Variants in THSD4 observed in about 807,000 individuals in gnomAD.
THSD4 encodes thrombospondin type 1 domain containing 4.
THSD4 carries 69 observed loss-of-function variants against 119.0 expected under a neutral mutation model. That is an observed-to-expected ratio of 0.58 (90% CI 0.48 to 0.71). THSD4 has a LOEUF of 0.71. Ranked by LOEUF, THSD4 falls within the 30% of genes least tolerant of loss-of-function variation. The pLI is 0.00. For synonymous variants in THSD4, 524 were observed against 540.4 expected (o/e 0.97, Z 0.42); for missense variants, 1,393 against 1,391.1 (o/e 1.00, Z -0.02).
chr15:71,297,456 C>G (rs1035748981), intron 6 of THSD4, among the ~76,000 whole-genome samples: 3 of 152,080 alleles, frequency 2.0e-5, no homozygotes, highest in African/African-American at 7.3e-5. Context: ...CTGCCCCAGC[C>G]TCCTGAGTAG....
intron 3 of THSD4, among the ~76,000 whole-genome samples, chr15:71,210,892 C>CT (rs1217210725): frequency 7.2e-5 from 11 of 152,058 alleles, no homozygotes; most frequent in Non-Finnish European, 1.5e-4. Flanking sequence ...ATTTAGGTTG[C>CT]TTCCTTTTTT....
intron 4 of THSD4, among the ~76,000 whole-genome samples, chr15:71,223,030 A>G (rs1200255082): frequency 2.6e-5 from 4 of 152,216 alleles, no homozygotes; most frequent in African/African-American, 9.6e-5. Context: ...CTCACACCAC[A>G]TGCTTAGCAC....
At chr15:71,465,269 A>G (rs1416877691) in intron 7 of THSD4, among the ~76,000 whole-genome samples, 1 of 152,222 alleles carries the variant, frequency 6.6e-6, no homozygotes, top group East Asian at 1.9e-4. Context: ...TGACTCAGTC[A>G]TTACATAATA....
intron 1 of THSD4, among the ~76,000 whole-genome samples, chr15:71,140,320 G>T (rs770532749): frequency 6.6e-6 from 1 of 152,194 alleles, no homozygotes; most frequent in Non-Finnish European, 1.5e-5. Flanking sequence ...AGGGCAGCCA[G>T]TGTGTCACAC....
At chr15:71,541,616 T>C (rs563250480) in intron 7 of THSD4, among the ~76,000 whole-genome samples, 4 of 152,252 alleles carry the variant, frequency 2.6e-5, no homozygotes, top group East Asian at 1.9e-4. Flanking sequence ...TATCATTACA[T>C]AGGAAGCAAA....
chr15:71,735,979 T>A (rs1296428870), intron 10 of THSD4, among the ~76,000 whole-genome samples: 2 of 150,992 alleles, frequency 1.3e-5, no homozygotes, highest in African/African-American at 2.4e-5. Context: ...TCTCTTGCTC[T>A]CTGTCTCTGT....
intron 7 of THSD4, among the ~76,000 whole-genome samples, chr15:71,447,107 CCA>C (rs1566986962): frequency 1.0e-4 from 13 of 129,532 alleles, no homozygotes; most frequent in Middle Eastern, 3.7e-3. Context: ...CCTCTTCCCT[CCA>C]TTTTTTTTGT....
intron 6 of THSD4, among the ~76,000 whole-genome samples, chr15:71,305,658 T>A (rs2045013796): frequency 6.6e-6 from 1 of 152,204 alleles, no homozygotes; most frequent in South Asian, 2.1e-4. Flanking sequence ...TAAGATGCAC[T>A]AAGATGTGGT....
intron 7 of THSD4, among the ~76,000 whole-genome samples, chr15:71,614,923 C>G (rs1355664641): frequency 6.6e-6 from 1 of 152,072 alleles, no homozygotes; most frequent in African/African-American, 2.4e-5. Flanking sequence ...CGACTCCTGG[C>G]TAGGACCTCT....
chr15:71,256,095 G>T (rs970025067), intron 5 of THSD4, among the ~76,000 whole-genome samples: 12 of 152,168 alleles, frequency 7.9e-5, no homozygotes, highest in Non-Finnish European at 1.6e-4. Context: ...CATGAAGCCT[G>T]GGGATCTGCA....
chr15:71,208,951 C>T (rs903953149), intron 3 of THSD4, among the ~76,000 whole-genome samples: 2 of 152,070 alleles, frequency 1.3e-5, no homozygotes, highest in South Asian at 2.1e-4. Flanking sequence ...ATACATGGCC[C>T]CCTTAACCCT....
chr15:71,770,336 A>G (rs1051315280), intron 16 of THSD4, among the ~76,000 whole-genome samples: 1 of 119,052 alleles, frequency 8.4e-6, no homozygotes, highest in Non-Finnish European at 1.7e-5. Flanking sequence ...AATAAATATG[A>G]TATGTCCTTT....
intron 7 of THSD4, among the ~76,000 whole-genome samples, chr15:71,543,075 C>CA (rs2048784637): frequency 6.6e-6 from 1 of 152,026 alleles, no homozygotes. Flanking sequence ...AGAAAAAGTA[C>CA]ATTTTGGAGA....
chr15:71,582,932 C>T (rs1034373390), intron 7 of THSD4, among the ~76,000 whole-genome samples: 3 of 152,008 alleles, frequency 2.0e-5, no homozygotes, highest in African/African-American at 7.2e-5. Context: ...AATATCGATG[C>T]TGGCCTTATA....
chr15:71,620,580 C>A (rs2050403153), intron 7 of THSD4, among the ~76,000 whole-genome samples: 1 of 152,118 alleles, frequency 6.6e-6, no homozygotes, highest in Non-Finnish European at 1.5e-5. Context: ...AGCAGGGCAC[C>A]AAGAGTAGCT....
chr15:71,215,684 C>G (rs1272062321), intron 4 of THSD4, among the ~76,000 whole-genome samples: 3 of 152,174 alleles, frequency 2.0e-5, no homozygotes, highest in Non-Finnish European at 4.4e-5. Context: ...TTAGGGAGGC[C>G]TCCTAGAGGG....
intron 1 of THSD4, among the ~76,000 whole-genome samples, chr15:71,130,234 C>T (rs972715333): frequency 1.3e-5 from 2 of 152,034 alleles, no homozygotes; most frequent in Non-Finnish European, 2.9e-5. Context: ...TGACCAGGCT[C>T]GAGTGCAGTG....
chr15:71,322,032 A>T (rs967713029), intron 6 of THSD4, among the ~76,000 whole-genome samples: 2 of 152,196 alleles, frequency 1.3e-5, no homozygotes, highest in Non-Finnish European at 2.9e-5. Context: ...GACTTAAAAA[A>T]AAAAAAGTGG....
At chr15:71,377,997 CT>C (rs1158864346) in intron 6 of THSD4, among the ~76,000 whole-genome samples, 2 of 151,930 alleles carry the variant, frequency 1.3e-5, no homozygotes, top group Non-Finnish European at 2.9e-5. Flanking sequence ...TACTTATAGG[CT>C]TAGTTGTTCA....
Sources: gnomAD v4.1 joint callset for allele counts (sites outside exome capture counted in the v4.1 genomes callset) on GRCh38, gnomAD v4.1.1 for gene constraint, MANE v1.5 for transcripts, NCBI Gene and HGNC (gene_info 2026-07-23, HGNC 2026-07-21) for gene names.